FRMPD1: variants seen among roughly 807,000 people sequenced by gnomAD.
The protein encoded by FRMPD1 is FERM and PDZ domain containing 1, also known as FERM and PDZ domain-containing protein 1.
In FRMPD1, 76 loss-of-function variants were observed where a neutral mutation model predicts 117.8. That is an observed-to-expected ratio of 0.65 (90% CI 0.54 to 0.78). The LOEUF (loss-of-function observed/expected upper bound fraction) is 0.78. FRMPD1 is among the 30% of genes least tolerant of loss of function. The pLI is 0.00. For missense variants in FRMPD1, 1,786 were observed against 1,964.5 expected, an observed-to-expected ratio of 0.91 and a Z score of 1.72; for synonymous variants, 783 against 770.4, an observed-to-expected ratio of 1.02 and a Z score of -0.27.
At chr9:37,689,542 C>A (rs990572796) in intron 1 of FRMPD1, among the ~76,000 whole-genome samples, 1 of 152,132 alleles carries the variant, frequency 6.6e-6, no homozygotes, top group Non-Finnish European at 1.5e-5. Context: ...CAGTTGCTCT[C>A]TAGGTCTTTT....
At position 37,699,313 on chromosome 9, in the gene FRMPD1, G is replaced by GTC. The variant is rs199562590; in HGVS notation, c.101+6579_101+6580dup. Among the ~76,000 whole-genome samples, 69 of 131,156 alleles carry GTC rather than the reference G, an allele frequency of 5.3e-4. 3 individuals are homozygous for GTC. The highest frequency in any genetic ancestry group is 7.1e-4 in the South Asian group (3 of 4,244). 86.0% of individuals were successfully genotyped at this position (131,156 alleles called of 152,430 possible). A position where few individuals can be genotyped will look rare whatever the true frequency, so the allele number is the denominator to read the frequency against. On this transcript the variant is annotated intron_variant, in intron 2 of 15. Transcript: ENST00000377765. ...GCATGAGATTTACTGAATTCTCTCT[G>GTC]TCTCTCTCTTTTTTTTTTTTTTTTG...
the FRMPD1 span, among the ~76,000 whole-genome samples, chr9:37,609,332 A>C: frequency 6.6e-6 from 1 of 152,052 alleles, no homozygotes; most frequent in Admixed American, 6.6e-5. Flanking sequence ...AAATGTCTAA[A>C]ACTTGGCTCC....
At chr9:37,609,093 C>A in the FRMPD1 span, among the ~76,000 whole-genome samples, 2 of 151,830 alleles carry the variant, frequency 1.3e-5, no homozygotes, top group African/African-American at 4.8e-5. Flanking sequence ...GAGTTCGAGA[C>A]CAGCCTGACC....
the FRMPD1 span, among the ~76,000 whole-genome samples, chr9:37,634,372 C>T: frequency 1.3e-5 from 2 of 152,160 alleles, no homozygotes; most frequent in African/African-American, 4.8e-5. Context: ...TGTAATTTCT[C>T]TAGCGTGTTT....
At chr9:37,665,540 T>A (rs1821136253) in intron 1 of FRMPD1, among the ~76,000 whole-genome samples, 1 of 152,130 alleles carries the variant, frequency 6.6e-6, no homozygotes, top group Non-Finnish European at 1.5e-5. Context: ...ATAGATTGAT[T>A]TTTTTTCCCC....
intron 1 of FRMPD1, among the ~76,000 whole-genome samples, chr9:37,681,095 C>A (rs1251059896): frequency 6.6e-6 from 1 of 151,644 alleles, no homozygotes; most frequent in Non-Finnish European, 1.5e-5. Flanking sequence ...TGCCTGTAAT[C>A]CCCGCTACCC....
chr9:37,717,432 T>G lies in FRMPD1; in HGVS notation c.409-1637T>G, dbSNP rs1588953262. Among the ~76,000 whole-genome samples the G allele has an allele frequency of 2.0e-5, 3 of 147,590 alleles. 1 individual carries two copies. In the East Asian group the frequency reaches 5.9e-4, roughly 29 times the overall value. On this transcript the variant is annotated intron_variant, in intron 5 of 15. Transcript: ENST00000377765. ...TCTTCCTCTGTCATCCAGGCTGGAG[T>G]ACAGTGGTGCAATCTCGGCTCACTG...
At chr9:37,685,457 C>CA (rs1429633789) in intron 1 of FRMPD1, among the ~76,000 whole-genome samples, 2 of 151,550 alleles carry the variant, frequency 1.3e-5, no homozygotes, top group Non-Finnish European at 2.9e-5. Context: ...TCCTGGCTAA[C>CA]ACGGTGAAAC....
intron 1 of FRMPD1, among the ~76,000 whole-genome samples, chr9:37,669,504 C>T (rs16934348): frequency 0.12 from 18,221 of 152,238 alleles, 1,154 homozygotes; most frequent in Middle Eastern, 0.18. Context: ...AAGTCATCCT[C>T]TCCATGTGTT....
the FRMPD1 span, among the ~76,000 whole-genome samples, chr9:37,607,190 C>G: frequency 6.6e-6 from 1 of 152,076 alleles, no homozygotes. Flanking sequence ...TGGCTCGTGC[C>G]TGTAATCCCA....
intron 12 of FRMPD1, among the ~76,000 whole-genome samples, 177 bp from the exon 13 acceptor site, chr9:37,735,370 ATAAAT>A (rs1260859806): frequency 1.3e-5 from 2 of 152,224 alleles, no homozygotes; most frequent in African/African-American, 4.8e-5. Context: ...TTTTGGGGAA[ATAAAT>A]TTACACTTTG....
upstream of FRMPD1, among the ~76,000 whole-genome samples, chr9:37,650,317 G>C (rs1450891896): frequency 6.6e-6 from 1 of 152,124 alleles, no homozygotes; most frequent in Non-Finnish European, 1.5e-5. Flanking sequence ...GTCCCAGGGC[G>C]CTCCGGCATT....
chr9:37,653,274 G>C (rs980572325), intron 1 of FRMPD1, among the ~76,000 whole-genome samples: 2 of 152,218 alleles, frequency 1.3e-5, no homozygotes, highest in African/African-American at 4.8e-5. Context: ...TAGGATGTTT[G>C]CATGTAATAG....
rs775890966 is a variant in FRMPD1, at chr9:37,740,785, C to T, written c.2257C>T (p.Pro753Ser). Residue 753 changes from proline (P) to serine (S), a missense_variant, in exon 15 of 16, where the codon CCC (proline) becomes TCC (serine). Coordinates refer to ENST00000377765, the MANE Select transcript of FRMPD1 (RefSeq NM_014907.3). This position sits in a 1 kb window ranked among gnomAD's most constrained non-coding sequence, Gnocchi z 4.2. ...GGCCCAGCCCAGTTCCATGCTGGAA[C>T]CCCTGGCCCTGCACCCACCACTGGC... ...TEAQPSSMLE[P>S]LALHPPLAFE... 1 of 1,614,124 alleles carries T rather than the reference C, an allele frequency of 6.2e-7. No individual in the cohort carries two copies. Among genetic ancestry groups the T allele is most frequent in the Non-Finnish European group, 8.5e-7 (1 of 1,179,954 alleles).
At chr9:37,744,051 T>A (rs1824556605) in intron 15 of FRMPD1, among the ~76,000 whole-genome samples, 1 of 151,822 alleles carries the variant, frequency 6.6e-6, no homozygotes, top group South Asian at 2.1e-4. Context: ...TAGCTGGGCA[T>A]GGTGGCAGAT....
the FRMPD1 span, chr9:37,637,069 G>A: frequency 6.4e-7 from 1 of 1,552,830 alleles, no homozygotes; most frequent in African/African-American, 1.4e-5. Context: ...GGTAGTAGCT[G>A]GAAGTGATGG....
At chr9:37,645,823 C>G in the FRMPD1 span, among the ~76,000 whole-genome samples, 1 of 152,172 alleles carries the variant, frequency 6.6e-6, no homozygotes, top group Admixed American at 6.5e-5. Context: ...TGATAATCAC[C>G]CAATTTCTTT....
intron 1 of FRMPD1, among the ~76,000 whole-genome samples, chr9:37,678,560 G>A (rs1259612649): frequency 4.0e-5 from 6 of 151,508 alleles, no homozygotes; most frequent in Non-Finnish European, 7.4e-5. Context: ...CACACCCGGC[G>A]TACTTACCAC....
At chr9:37,665,926 C>CAGACAA (rs1821145418) in intron 1 of FRMPD1, among the ~76,000 whole-genome samples, 1 of 152,134 alleles carries the variant, frequency 6.6e-6, no homozygotes. Flanking sequence ...TCACCTTATC[C>CAGACAA]TGTGGACGTA....
Sources: allele counts gnomAD v4.1 joint callset (sites outside exome capture counted in the v4.1 genomes callset), GRCh38; gene constraint gnomAD v4.1.1; non-coding constraint Gnocchi (gnomAD v3.1); transcripts MANE v1.5; gene names NCBI Gene and HGNC (gene_info 2026-07-23, HGNC 2026-07-21).